Variants in ANKRD27 observed in about 807,000 individuals in gnomAD.
The protein encoded by ANKRD27 is ankyrin repeat domain 27.
In ANKRD27, 112 loss-of-function variants were observed where a neutral mutation model predicts 129.7. The ratio of observed to expected loss-of-function variants is 0.86; its 90% CI spans 0.74 to 1.01. The LOEUF (loss-of-function observed/expected upper bound fraction) is 1.01. Among genes scored for constraint, ANKRD27 ranks in the 50% least tolerant of loss-of-function variants. The probability of loss-of-function intolerance (pLI) is 0.00; values close to 1 mark genes in which losing one functional copy is unlikely to be tolerated. For missense variants in ANKRD27, 1,258 were observed against 1,300.5 expected (o/e 0.97, Z 0.50); for synonymous variants, 516 against 511.2 (o/e 1.01, Z -0.13).
In ANKRD27 at chr19:32,615,667, T is replaced by G. The variant is rs2145269770; in HGVS notation, c.2166A>C (p.Pro722=). The part of the protein sequence containing the change: ...HPLCQCPKCA[P]AQKRLAKVPA... ...AGAAACAAAGCCAAACCTTCTGAGC[T>G]GGGGCACACTTGGGGCACTGGCACA... Residue 722 remains proline, a synonymous_variant, in exon 22 of 29, where the codon CCA becomes CCC. Coordinates refer to ENST00000306065, the MANE Select transcript of ANKRD27 (RefSeq NM_032139.3). 6.2e-7 allele frequency: 1 copy of G among 1,614,164 alleles called. No individual in the cohort carries two copies. The highest frequency in any genetic ancestry group is 2.2e-5 in the East Asian group (1 of 44,884).
In ANKRD27 at chr19:32,598,297, C is replaced by T. The variant is rs375258009; in HGVS notation, c.3001G>A (p.Asp1001Asn). The T allele has an allele frequency of 4.3e-6, 7 of 1,614,148 alleles. No homozygotes were observed. The highest frequency in any genetic ancestry group is 3.3e-5 in the Admixed American group (2 of 60,008). Residue 1001 changes from aspartate to asparagine, a missense_variant, in exon 29 of 29, where the codon GAC (aspartate) becomes AAC (asparagine). Coordinates refer to ENST00000306065, the MANE Select transcript of ANKRD27 (RefSeq NM_032139.3). ...GSHAAEKGNSDWPERPGLTQT... is the reference protein window; with the variant it reads ...GSHAAEKGNSNWPERPGLTQT... Reference sequence around the variant, plus strand: ...GTCAGTCCAGGCCTCTCTGGCCAGTCGCTGTTGCCTTTCTCAGCAGCATGA... The same window carrying T: ...GTCAGTCCAGGCCTCTCTGGCCAGTTGCTGTTGCCTTTCTCAGCAGCATGA...
intron 15 of ANKRD27, among the ~76,000 whole-genome samples, chr19:32,627,634 G>A (rs1966912307): frequency 6.6e-6 from 1 of 152,146 alleles, no homozygotes; most frequent in Non-Finnish European, 1.5e-5. Flanking sequence ...CTGACCTCAA[G>A]TGATTTGCCT....
At chr19:32,610,182 T>C (rs1021783576) in intron 22 of ANKRD27, among the ~76,000 whole-genome samples, 2 of 152,068 alleles carry the variant, frequency 1.3e-5, no homozygotes, top group Non-Finnish European at 2.9e-5. Flanking sequence ...TGGTGGCGCA[T>C]GCCTGTAGTC....
At chr19:32,635,277 T>G (rs1003421098) in intron 12 of ANKRD27, among the ~76,000 whole-genome samples, 68 of 152,276 alleles carry the variant, frequency 4.5e-4, no homozygotes, top group African/African-American at 1.6e-3. Context: ...ATCTGTTTCT[T>G]GCCCTGCAAG....
intron 22 of ANKRD27, among the ~76,000 whole-genome samples, chr19:32,611,881 A>T (rs1166672945): frequency 6.6e-6 from 1 of 151,566 alleles, no homozygotes; most frequent in Non-Finnish European, 1.5e-5. Context: ...GTGCCCGGCC[A>T]AATTCATTTT....
chr19:32,631,614 T>G, intron 12 of ANKRD27, 120 bp from the exon 13 acceptor site: 1 of 765,496 alleles, frequency 1.3e-6, no homozygotes, highest in South Asian at 1.5e-5. Flanking sequence ...CTCTCCCGTC[T>G]CATATGGGAC....
intron 20 of ANKRD27, among the ~76,000 whole-genome samples, chr19:32,618,897 C>T (rs769451577): frequency 3.9e-5 from 6 of 152,104 alleles, no homozygotes; most frequent in South Asian, 2.1e-4. Flanking sequence ...GGCAACAGAG[C>T]GAGACTCTTA....
chr19:32,661,573 C>A (rs1189172700), intron 1 of ANKRD27, among the ~76,000 whole-genome samples: 1 of 151,960 alleles, frequency 6.6e-6, no homozygotes, highest in Non-Finnish European at 1.5e-5. Context: ...GAACTCCTGG[C>A]CTGATGCAAT....
At chr19:32,650,971 C>T (rs755766990) in intron 2 of ANKRD27, among the ~76,000 whole-genome samples, 69 of 152,024 alleles carry the variant, frequency 4.5e-4, no homozygotes, top group Admixed American at 5.3e-4. Context: ...TCTTGAATCC[C>T]TGGCCTCAAG....
intron 4 of ANKRD27, among the ~76,000 whole-genome samples, chr19:32,644,987 G>A (rs1429187762): frequency 1.3e-5 from 2 of 150,730 alleles, no homozygotes; most frequent in Non-Finnish European, 3.0e-5. Flanking sequence ...TGCCCGACCT[G>A]TGCAACAGCA....
intron 22 of ANKRD27, among the ~76,000 whole-genome samples, chr19:32,608,061 C>T (rs998987264): frequency 6.6e-6 from 1 of 151,410 alleles, no homozygotes; most frequent in Non-Finnish European, 1.5e-5. Context: ...AGTGCAGTGG[C>T]ACCACCATCA....
At position 32,617,055 on chromosome 19, in the gene ANKRD27, C is replaced by T. The variant is rs2145271287; in HGVS notation, c.2052+534G>A. Among the ~76,000 whole-genome samples, 2 of 152,288 alleles carry T rather than the reference C, an allele frequency of 1.3e-5. 1 individual carries two copies. The highest frequency in any genetic ancestry group is 4.1e-4 in the South Asian group (2 of 4,830). On this transcript the variant is annotated intron_variant, in intron 21 of 28. Coordinates refer to ENST00000306065, the MANE Select transcript of ANKRD27 (RefSeq NM_032139.3). ...GAGTATGGACATCTGAAAGGCAGGG[C>T]CCACACTCGCTATGTGCCTGTATGT...
rs1397728197 is a variant in ANKRD27 at position 32,631,359 on chromosome 19, T to C, written c.1209+43A>G. On this transcript the variant is annotated intron_variant, in intron 13 of 28. Coordinates refer to ENST00000306065, the MANE Select transcript of ANKRD27 (RefSeq NM_032139.3). ...TATAGAGGCACCAAGAGATGCAGTG[T>C]TCCTCACCCACATTTACCCACAGAG... 6 of 1,550,828 alleles carry C rather than the reference T, an allele frequency of 3.9e-6. No individual in the cohort carries two copies. The South Asian group carries it at 6.7e-5, about 17-fold the overall frequency.
chr19:32,603,762 C>T (rs1971687472), intron 25 of ANKRD27, among the ~76,000 whole-genome samples: 1 of 152,140 alleles, frequency 6.6e-6, no homozygotes, highest in Non-Finnish European at 1.5e-5. Context: ...TGGTCATGAG[C>T]TCCTGCGCTC....
chr19:32,666,070 A>G (rs1967749096), intron 1 of ANKRD27, among the ~76,000 whole-genome samples: 1 of 151,998 alleles, frequency 6.6e-6, no homozygotes, highest in Admixed American at 6.6e-5. Flanking sequence ...ACTCAGCCCT[A>G]TAATTATGAA....
chr19:32,643,968 G>A (rs979377732), intron 5 of ANKRD27, among the ~76,000 whole-genome samples: 10 of 151,842 alleles, frequency 6.6e-5, no homozygotes, highest in African/African-American at 2.4e-4. Context: ...TCAAACTCCT[G>A]GGCTAAAGCC....
intron 1 of ANKRD27, among the ~76,000 whole-genome samples, chr19:32,674,047 C>T (rs1389129202): frequency 6.6e-6 from 1 of 151,736 alleles, no homozygotes; most frequent in East Asian, 1.9e-4. Flanking sequence ...GTCCCAGCTA[C>T]TACAGAGGCT....
chr19:32,616,461 G>A (rs549616134), intron 21 of ANKRD27, among the ~76,000 whole-genome samples: 1 of 150,900 alleles, frequency 6.6e-6, no homozygotes, highest in South Asian at 2.1e-4. Context: ...GCTGAAGCAG[G>A]AGAATTGCTT....
intron 2 of ANKRD27, among the ~76,000 whole-genome samples, chr19:32,653,199 C>CAG (rs1967452782): frequency 6.6e-6 from 1 of 152,102 alleles, no homozygotes; most frequent in African/African-American, 2.4e-5. Context: ...TTGGAAGCAT[C>CAG]TATACTAAAT....
Sources: allele counts gnomAD v4.1 joint callset (sites outside exome capture counted in the v4.1 genomes callset), GRCh38; gene constraint gnomAD v4.1.1; transcripts MANE v1.5; gene names NCBI Gene and HGNC (gene_info 2026-07-23, HGNC 2026-07-21).